The following ZFAND3 variants were observed in gnomAD, a reference collection of about 807,000 sequenced individuals.
The protein encoded by ZFAND3 is AN1-type zinc finger protein 3.
Under a neutral mutation model 29.6 loss-of-function variants are expected in ZFAND3, and 10 were observed. That is an observed-to-expected ratio of 0.34 (90% CI 0.21 to 0.57). The LOEUF (loss-of-function observed/expected upper bound fraction) is 0.57. Among genes scored for constraint, ZFAND3 ranks in the 20% least tolerant of loss-of-function variants. ZFAND3 has a pLI of 0.86. For missense variants in ZFAND3, 230 were observed against 304.5 expected, an observed-to-expected ratio of 0.76 and a Z score of 1.82; for synonymous variants, 128 against 112.6, an observed-to-expected ratio of 1.14 and a Z score of -0.87.
chr6:37,957,494 G>T (rs545641594), intron 2 of ZFAND3, among the ~76,000 whole-genome samples: 2 of 151,914 alleles, frequency 1.3e-5, no homozygotes, highest in Non-Finnish European at 2.9e-5. Context: ...CTTTCAACAT[G>T]TATACATGTA....
intron 4 of ZFAND3, among the ~76,000 whole-genome samples, chr6:38,103,711 T>C (rs4506034): frequency 0.63 from 95,692 of 151,842 alleles, 30,944 homozygotes; most frequent in African/African-American, 0.75. Flanking sequence ...TTCTTATGGT[T>C]ATAGACTGAC....
chr6:37,988,168 C>T (rs2036124), intron 2 of ZFAND3, among the ~76,000 whole-genome samples: 9,361 of 152,188 alleles, frequency 0.062, 378 homozygotes, highest in Non-Finnish European at 0.093. Context: ...CCTATAGTAA[C>T]GTTATCTTTG....
At chr6:37,971,137 G>A (rs1329276758) in intron 2 of ZFAND3, among the ~76,000 whole-genome samples, 2 of 152,088 alleles carry the variant, frequency 1.3e-5, no homozygotes, top group African/African-American at 2.4e-5. Context: ...TAATTTTTTA[G>A]TCTCCATTCT....
intron 4 of ZFAND3, among the ~76,000 whole-genome samples, chr6:38,088,128 A>G (rs1380597037): frequency 2.6e-5 from 4 of 152,226 alleles, no homozygotes; most frequent in African/African-American, 9.6e-5. Context: ...GTATCTACCA[A>G]CAGATGAATG....
chr6:37,843,809 C>T (rs1462753731), intron 1 of ZFAND3, among the ~76,000 whole-genome samples: 5 of 151,206 alleles, frequency 3.3e-5, no homozygotes, highest in Non-Finnish European at 7.4e-5. Context: ...AGTTTTCTGT[C>T]CTTGTGTATC....
At chr6:37,953,313 TCTCA>T (rs1463301087) in intron 2 of ZFAND3, among the ~76,000 whole-genome samples, 5 of 152,118 alleles carry the variant, frequency 3.3e-5, no homozygotes, top group South Asian at 4.1e-4. Context: ...ATATTTAACT[TCTCA>T]CTATTTGTCA....
At chr6:37,975,873 T>C (rs1762468859) in intron 2 of ZFAND3, among the ~76,000 whole-genome samples, 1 of 152,214 alleles carries the variant, frequency 6.6e-6, no homozygotes, top group Non-Finnish European at 1.5e-5. Flanking sequence ...GCCCTTTTTA[T>C]TTCAATATGA....
rs545342697 is a variant in ZFAND3 at position 38,075,594 on chromosome 6, A to G, written c.296-6798A>G. 8.5e-5 allele frequency among the ~76,000 whole-genome samples: 13 copies of G among 152,336 alleles called. No homozygotes were observed. The East Asian group carries it at 2.5e-3, about 29-fold the overall frequency. On this transcript the variant is annotated intron_variant, in intron 3 of 5. Coordinates refer to ENST00000287218, the MANE Select transcript of ZFAND3 (RefSeq NM_021943.3). Reference sequence around the variant, plus strand: ...GAACATTATTGAAATGGCAACAAAAAATCTAGAATATTACATAAACTTAGT... The same window carrying G: ...GAACATTATTGAAATGGCAACAAAAGATCTAGAATATTACATAAACTTAGT...
chr6:38,124,779 G>A (rs11753437), intron 5 of ZFAND3, among the ~76,000 whole-genome samples: 10,388 of 152,320 alleles, frequency 0.068, 425 homozygotes, highest in Non-Finnish European at 0.087. Context: ...GCGCAGTGGC[G>A]GGCTGAAGGG....
intron 1 of ZFAND3, among the ~76,000 whole-genome samples, chr6:37,895,951 C>T (rs1303890295): frequency 1.3e-5 from 2 of 152,120 alleles, no homozygotes; most frequent in Non-Finnish European, 2.9e-5. Context: ...GTGAGGTTTT[C>T]CATTCTTACT....
intron 3 of ZFAND3, among the ~76,000 whole-genome samples, chr6:38,076,699 G>A (rs1764560270): frequency 6.6e-6 from 1 of 152,162 alleles, no homozygotes; most frequent in Admixed American, 6.5e-5. Flanking sequence ...TTATCTGTGT[G>A]TTGAAGAATT....
At chr6:38,076,343 C>T (rs186758031) in intron 3 of ZFAND3, among the ~76,000 whole-genome samples, 8 of 152,098 alleles carry the variant, frequency 5.3e-5, no homozygotes, top group Admixed American at 2.6e-4. Context: ...TTGTGCAACT[C>T]GAACTTTATT....
intron 5 of ZFAND3, among the ~76,000 whole-genome samples, chr6:38,151,346 T>TGCAGCATCCTGCGCTTCTG (rs1766219290): frequency 6.6e-6 from 1 of 152,246 alleles, no homozygotes; most frequent in Non-Finnish European, 1.5e-5. Flanking sequence ...AAAAGAGCCT[T>TGCAGCATCCTGCGCTTCTG]GCAGCATCCT....
At chr6:37,963,421 A>G (rs1762234900) in intron 2 of ZFAND3, among the ~76,000 whole-genome samples, 1 of 152,216 alleles carries the variant, frequency 6.6e-6, no homozygotes, top group African/African-American at 2.4e-5. Flanking sequence ...ATAACAATGC[A>G]TCTTAACTAA....
chr6:38,010,429 A>C (rs1025282750), intron 2 of ZFAND3, among the ~76,000 whole-genome samples: 1 of 152,104 alleles, frequency 6.6e-6, no homozygotes, highest in African/African-American at 2.4e-5. Context: ...CAGGACTTTA[A>C]CTGGGATTTT....
At chr6:37,880,644 T>C (rs1397559216) in intron 1 of ZFAND3, among the ~76,000 whole-genome samples, 1 of 152,188 alleles carries the variant, frequency 6.6e-6, no homozygotes, top group Admixed American at 6.5e-5. Context: ...TTTTGTACTT[T>C]ACAAAACATC....
chr6:37,849,284 T>G (rs1309659744), intron 1 of ZFAND3, among the ~76,000 whole-genome samples: 1 of 152,230 alleles, frequency 6.6e-6, no homozygotes, highest in Non-Finnish European at 1.5e-5. Flanking sequence ...TTTTTCTTTT[T>G]GACTTTTTCC....
At chr6:37,976,308 G>A (rs762306400) in intron 2 of ZFAND3, among the ~76,000 whole-genome samples, 28 of 152,042 alleles carry the variant, frequency 1.8e-4, no homozygotes, top group Non-Finnish European at 3.2e-4. Context: ...GAGGCCAGGC[G>A]TGGTGGCTCA....
intron 5 of ZFAND3, among the ~76,000 whole-genome samples, chr6:38,129,016 G>T (rs1349745788): frequency 6.6e-6 from 1 of 152,162 alleles, no homozygotes; most frequent in African/African-American, 2.4e-5. Context: ...TTTTGATTAT[G>T]ATCATTCTTG....
Sources: gnomAD v4.1 joint callset for allele counts (sites outside exome capture counted in the v4.1 genomes callset) on GRCh38, gnomAD v4.1.1 for gene constraint, MANE v1.5 for transcripts, NCBI Gene and HGNC (gene_info 2026-07-23, HGNC 2026-07-21) for gene names.